The following C2CD3 variants were observed in gnomAD, a reference collection of about 807,000 sequenced individuals.
C2CD3 encodes the protein C2 domain containing 3 centriole elongation regulator.
In C2CD3, 148 loss-of-function variants were observed where a neutral mutation model predicts 234.0. The observed-to-expected ratio is 0.63, with a 90% CI of 0.55 to 0.72. C2CD3 has a LOEUF of 0.72. Among genes scored for constraint, C2CD3 ranks in the 30% least tolerant of loss-of-function variants. The probability of loss-of-function intolerance (pLI) is 0.00; values close to 1 mark genes in which losing one functional copy is unlikely to be tolerated. For missense variants in C2CD3, 2,577 were observed against 2,811.5 expected (o/e 0.92, Z 1.89); for synonymous variants, 1,000 against 1,035.4 (o/e 0.97, Z 0.66).
intron 2 of C2CD3, among the ~76,000 whole-genome samples, chr11:74,162,120 C>G (rs1173839464): frequency 1.3e-5 from 2 of 152,028 alleles, no homozygotes; most frequent in East Asian, 1.9e-4. Flanking sequence ...CTAGCCTACT[C>G]CTTAAACTTT....
In C2CD3 at chr11:74,085,391, C is replaced by T. The variant is rs58189991; in HGVS notation, c.3910+227G>A. ...ATGAACTCCTACACACCCTTCATCT[C>T]GATACACCCATTAACACTGACACAT... is the stretch of plus-strand genomic sequence containing the variant. On this transcript the variant is annotated intron_variant, in intron 21 of 32. Transcript: ENST00000334126. 1.3e-3 allele frequency: 698 copies of T among 531,118 alleles called. 6 individuals are homozygous for T. The highest frequency in any genetic ancestry group is 0.012 in the African/African-American group (628 of 53,262). The allele number at this position is 531,118 out of a possible 1,614,324, so 32.9% of individuals were successfully genotyped here. A position where few individuals can be genotyped will look rare whatever the true frequency, so the allele number is the denominator to read the frequency against.
At chr11:74,101,171 G>A (rs1433309925) in intron 14 of C2CD3, among the ~76,000 whole-genome samples, 3 of 152,206 alleles carry the variant, frequency 2.0e-5, no homozygotes, top group Admixed American at 6.5e-5. Context: ...ACAGTAAAGA[G>A]CAAAGCCAAC....
chr11:74,110,386 G>A (rs1956700695), intron 11 of C2CD3: 1 of 152,194 alleles, frequency 6.6e-6, no homozygotes, highest in Non-Finnish European at 1.5e-5. Context: ...CATATTAACT[G>A]GCGACTCTAT....
intron 19 of C2CD3, among the ~76,000 whole-genome samples, chr11:74,091,652 A>C (rs1041347643): frequency 6.6e-6 from 1 of 152,216 alleles, no homozygotes; most frequent in Admixed American, 6.5e-5. Flanking sequence ...TTTAAACCCT[A>C]GCCTTCTCCT....
intron 30 of C2CD3, among the ~76,000 whole-genome samples, chr11:74,035,236 C>T (rs114534527): frequency 1.7e-3 from 263 of 152,182 alleles, no homozygotes; most frequent in African/African-American, 5.8e-3. Context: ...GGTAGATAGA[C>T]GAAAATGAAA....
intron 20 of C2CD3, among the ~76,000 whole-genome samples, chr11:74,087,489 A>T (rs1302812970): frequency 1.3e-5 from 2 of 152,038 alleles, no homozygotes; most frequent in East Asian, 3.9e-4. Flanking sequence ...GCTTGAACCC[A>T]GGAGGCGGAG....
intron 7 of C2CD3, among the ~76,000 whole-genome samples, chr11:74,130,154 G>A (rs909865354): frequency 1.4e-5 from 2 of 143,942 alleles, no homozygotes; most frequent in South Asian, 4.6e-4. Flanking sequence ...AGAGGGGAGA[G>A]GGGAGAGGGG....
intron 22 of C2CD3, among the ~76,000 whole-genome samples, chr11:74,082,358 G>A (rs1402184299): frequency 5.3e-5 from 8 of 151,980 alleles, no homozygotes; most frequent in Middle Eastern, 3.2e-3. Flanking sequence ...CTTGTGATCC[G>A]CCCACCTCGG....
chr11:74,074,079 C>T (rs571196518), intron 24 of C2CD3, among the ~76,000 whole-genome samples, 174 bp downstream of exon 24: 3 of 152,310 alleles, frequency 2.0e-5, no homozygotes, highest in East Asian at 1.9e-4. Context: ...GGGGAATTTA[C>T]GATATGCAAC....
In C2CD3 at chr11:74,103,602, A is replaced by T. The variant is rs1274775990; in HGVS notation, c.2109T>A (p.Asp703Glu). Residue 703 changes from aspartate (D) to glutamate (E), a missense_variant, in exon 14 of 33, where the codon GAT (aspartate) becomes GAA (glutamate). By Grantham distance (45) the Asp-to-Glu change is conservative. Coordinates refer to ENST00000334126, the MANE Select transcript of C2CD3 (RefSeq NM_001286577.2). ...TATTGATACCAGTGAAATCTTTGTTATCTGTAATAAGCTCCATGGTTACCT... is the reference window on the plus strand; with the variant it reads ...TATTGATACCAGTGAAATCTTTGTTTTCTGTAATAAGCTCCATGGTTACCT... ...PLKVTMELITDNKDFTGINTK... is the reference protein window; with the variant it reads ...PLKVTMELITENKDFTGINTK... 1 of 1,612,406 alleles carries T rather than the reference A, an allele frequency of 6.2e-7. No individual in the cohort carries two copies. The highest frequency in any genetic ancestry group is 1.7e-5 in the Admixed American group (1 of 59,976).
intron 24 of C2CD3, among the ~76,000 whole-genome samples, chr11:74,058,779 A>G (rs961278396): frequency 6.6e-6 from 1 of 152,072 alleles, no homozygotes; most frequent in Non-Finnish European, 1.5e-5. Flanking sequence ...TAGATAGTCT[A>G]ACTGAGCTGT....
In C2CD3 at chr11:74,033,554, C is replaced by A. The variant is rs1415979568; in HGVS notation, c.6606G>T (p.Glu2202Asp). ...TCTCAGCTGGGGCCTCTGACTTGGG[C>A]TCCTTGTTCTGATCTGTCTGTGGTG... is the stretch of plus-strand genomic sequence containing the variant. The part of the protein sequence containing the change: ...WSSPQTDQNK[E>D]PKSEAPAENE... The change falls in exon 31 of 33, where the codon GAG becomes GAT. Residue 2202 changes from glutamate (E) to aspartate (D), a missense_variant. Coordinates refer to ENST00000334126, the MANE Select transcript of C2CD3 (RefSeq NM_001286577.2). 1.3e-6 allele frequency: 2 copies of A among 1,536,198 alleles called. No homozygotes were observed.
At chr11:74,104,966 G>A (rs1956454837) in intron 13 of C2CD3, among the ~76,000 whole-genome samples, 1 of 152,186 alleles carries the variant, frequency 6.6e-6, no homozygotes. Flanking sequence ...GATAGCAAGA[G>A]TAGGTGATGT....
chr11:74,114,384 C>G lies in C2CD3; in HGVS notation c.1730G>C (p.Arg577Pro). The G allele has an allele frequency of 6.2e-7, 1 of 1,611,260 alleles. No homozygotes were observed. Among genetic ancestry groups the G allele is most frequent in the Non-Finnish European group, 8.5e-7 (1 of 1,177,878 alleles). ...TAGCTTTCTCATGTTAGAGACATAC[C>G]GCTTTTTTGCTGTAGTCACCTTAGG... Reference protein sequence around the residue: ...PPPKVTTAKKRTFFVEYHFPV... With the variant: ...PPPKVTTAKKPTFFVEYHFPV... Residue 577 changes from arginine (R) to proline (P), a missense_variant and splice_region_variant, in exon 10 of 33, where the codon CGC becomes CCC. Transcript: ENST00000334126.
chr11:74,023,074 T>G (rs1196583084), intron 32 of C2CD3, among the ~76,000 whole-genome samples: 2 of 152,228 alleles, frequency 1.3e-5, no homozygotes, highest in Non-Finnish European at 2.9e-5. Flanking sequence ...GTATCCACTC[T>G]ACTGTGGGAG....
At chr11:74,169,522 T>C (rs1021016434) in intron 1 of C2CD3, among the ~76,000 whole-genome samples, 3 of 152,126 alleles carry the variant, frequency 2.0e-5, no homozygotes, top group African/African-American at 7.2e-5. Flanking sequence ...TCAGGACTAA[T>C]TATTTGGACT....
intron 7 of C2CD3, among the ~76,000 whole-genome samples, chr11:74,127,830 A>G (rs1380833377): frequency 6.6e-6 from 1 of 151,662 alleles, no homozygotes; most frequent in Non-Finnish European, 1.5e-5. Flanking sequence ...TTTCCCGATA[A>G]CAAATGGTGT....
intron 31 of C2CD3, 22 bp from the exon 32 acceptor site, chr11:74,028,420 A>G: frequency 6.8e-7 from 1 of 1,466,872 alleles, no homozygotes; most frequent in Non-Finnish European, 9.2e-7. Context: ...GTTAAGGGAC[A>G]AAAATACCTA....
chr11:74,153,235 CAAAACAAA>C (rs1346662632), intron 3 of C2CD3, among the ~76,000 whole-genome samples: 1 of 151,452 alleles, frequency 6.6e-6, no homozygotes, highest in Non-Finnish European at 1.5e-5. Context: ...CAAAACAAAA[CAAAACAAA>C]ACAAAACAAA....
Sources: allele counts gnomAD v4.1 joint callset (sites outside exome capture counted in the v4.1 genomes callset), GRCh38; gene constraint gnomAD v4.1.1; transcripts MANE v1.5; gene names NCBI Gene and HGNC (gene_info 2026-07-23, HGNC 2026-07-21).